LIMCH1: variants seen among roughly 807,000 people sequenced by gnomAD.
The protein encoded by LIMCH1 is LIM and calponin homology domains 1.
In LIMCH1, 113 loss-of-function variants were observed where a neutral mutation model predicts 176.5. That is an observed-to-expected ratio of 0.64 (90% confidence interval 0.55 to 0.75). The LOEUF (loss-of-function observed/expected upper bound fraction) is 0.75, where lower values mean the gene tolerates loss of function less well. Among genes scored for constraint, LIMCH1 ranks in the 30% least tolerant of loss-of-function variants. The pLI, the probability that LIMCH1 is intolerant of heterozygous loss-of-function variation, is 0.00. For missense variants in LIMCH1, 1,674 were observed against 1,814.9 expected (o/e 0.92, Z 1.41); for synonymous variants, 619 against 645.9 (o/e 0.96, Z 0.63).
chr4:41,399,792 C>G (rs1442447470), intron 1 of LIMCH1, among the ~76,000 whole-genome samples: 1 of 144,894 alleles, frequency 6.9e-6, no homozygotes, highest in Non-Finnish European at 1.5e-5. Context: ...AGTGATTCTC[C>G]TGCTTCAGCC....
Position 41,697,143 on chromosome 4 carries a change from G to A in LIMCH1, c.4379-17G>A. 2 of 1,613,172 alleles carry A rather than the reference G, an allele frequency of 1.2e-6. No individual in the cohort carries two copies. Among genetic ancestry groups the A allele is most frequent in the Non-Finnish European group, 1.7e-6 (2 of 1,179,340 alleles). On this transcript the variant is annotated splice_polypyrimidine_tract_variant and intron_variant, in intron 31 of 31. Coordinates refer to ENST00000503057, the MANE Select transcript of LIMCH1 (RefSeq NM_001330672.2). ...TTGCCTACCACTCTTGTTTGTTGTTGTTTGTTTTAATCACAGGTGCCGGGC... is the reference window on the plus strand; with the variant it reads ...TTGCCTACCACTCTTGTTTGTTGTTATTTGTTTTAATCACAGGTGCCGGGC...
At chr4:41,442,760 T>C (rs1415488790) in intron 1 of LIMCH1, among the ~76,000 whole-genome samples, 1 of 152,256 alleles carries the variant, frequency 6.6e-6, no homozygotes, top group Non-Finnish European at 1.5e-5. Flanking sequence ...TGAATTTTAA[T>C]TATTTAAACT....
At chr4:41,364,169 A>G (rs1165355235) in intron 1 of LIMCH1, among the ~76,000 whole-genome samples, 1 of 152,212 alleles carries the variant, frequency 6.6e-6, no homozygotes, top group Non-Finnish European at 1.5e-5. Context: ...GTAAAACAGG[A>G]TACTAATAAC....
chr4:41,650,415 A>G lies in LIMCH1; in HGVS notation c.2843A>G (p.Asn948Ser). The G allele has an allele frequency of 1.9e-6, 3 of 1,614,168 alleles. No individual in the cohort carries two copies. The highest frequency in any genetic ancestry group is 1.6e-4 in the Middle Eastern group (1 of 6,062). The change falls in exon 18 of 32, where the codon AAT becomes AGT. Residue 948 changes from asparagine to serine, a missense_variant. Around this residue, in one of 3 missense-constraint regions of LIMCH1, gnomAD observed 1,015 missense variants for 1,102.5 expected, o/e 0.92. Coordinates refer to ENST00000503057, the MANE Select transcript of LIMCH1 (RefSeq NM_001330672.2). Reference sequence around the variant, plus strand: ...TAGGTAGACGGGAAAGTCAGTGTGAATGGAGAGACGGTTCATAGAGAGGAG... The same window carrying G: ...TAGGTAGACGGGAAAGTCAGTGTGAGTGGAGAGACGGTTCATAGAGAGGAG... Reference protein sequence around the residue: ...TFKVDGKVSVNGETVHREEEK... With the variant: ...TFKVDGKVSVSGETVHREEEK...
At chr4:41,632,651 C>T (rs894551585) in intron 10 of LIMCH1, 98 bp from the exon 11 acceptor site, 9 of 932,266 alleles carry the variant, frequency 9.7e-6, no homozygotes, top group African/African-American at 1.7e-5. Context: ...CAGCCACATT[C>T]TTCTCTTAAT....
chr4:41,411,205 C>T (rs188267040), intron 1 of LIMCH1, among the ~76,000 whole-genome samples: 18 of 152,282 alleles, frequency 1.2e-4, no homozygotes, highest in Admixed American at 4.6e-4. Flanking sequence ...AGCCTGTGTT[C>T]TTAAGTTACT....
chr4:41,554,066 T>G (rs954216697), intron 1 of LIMCH1, among the ~76,000 whole-genome samples: 1 of 152,166 alleles, frequency 6.6e-6, no homozygotes. Flanking sequence ...CTTCAATCCT[T>G]ATAAAACTAC....
intron 2 of LIMCH1, among the ~76,000 whole-genome samples, chr4:41,499,679 G>T (rs1265085158): frequency 6.6e-6 from 1 of 152,150 alleles, no homozygotes; most frequent in Non-Finnish European, 1.5e-5. Flanking sequence ...TTAGCTGGGC[G>T]TGGTGGCGCA....
At position 41,685,739 on chromosome 4, in the gene LIMCH1, C is replaced by G; in HGVS notation, c.3997C>G (p.Pro1333Ala). ...DPSQNQQTSN[P>A]THSSEDVKPK... ...ATCCCAGAATCAGCAGACATCAAAT[C>G]CAACGCACAGTTCAGAAGATGTGAA... The change falls in exon 28 of 32, where the codon CCA (proline) becomes GCA (alanine). Residue 1333 changes from proline to alanine, a missense_variant. This residue lies in a region of LIMCH1 where 1,015 missense variants were observed against 1,102.5 expected (regional missense o/e 0.92). Coordinates refer to ENST00000503057, the MANE Select transcript of LIMCH1 (RefSeq NM_001330672.2). 1 of 1,613,624 alleles carries G rather than the reference C, an allele frequency of 6.2e-7. No individual in the cohort carries two copies. Among genetic ancestry groups the G allele is most frequent in the Non-Finnish European group, 8.5e-7 (1 of 1,179,686 alleles).
At chr4:41,458,770 C>T (rs1169866913) in intron 1 of LIMCH1, among the ~76,000 whole-genome samples, 1 of 103,460 alleles carries the variant, frequency 9.7e-6, no homozygotes, top group Non-Finnish European at 1.8e-5. Flanking sequence ...GAGACTCTGT[C>T]ACCAAAAAAA....
intron 1 of LIMCH1, among the ~76,000 whole-genome samples, chr4:41,455,060 A>G (rs1319533645): frequency 1.3e-5 from 2 of 152,098 alleles, no homozygotes; most frequent in East Asian, 3.9e-4. Flanking sequence ...AGATACAGTC[A>G]TAAAATGTAC....
chr4:41,560,884 G>A (rs1053029984), intron 1 of LIMCH1, among the ~76,000 whole-genome samples: 3 of 152,034 alleles, frequency 2.0e-5, no homozygotes, highest in African/African-American at 7.2e-5. Context: ...CAGGTGTGGT[G>A]CGCTTCCCCA....
chr4:41,668,156 C>T (rs1456293322), intron 21 of LIMCH1, among the ~76,000 whole-genome samples: 1 of 152,098 alleles, frequency 6.6e-6, no homozygotes, highest in East Asian at 1.9e-4. Context: ...CTGGCAGAAT[C>T]TGAGTTGGCT....
intron 1 of LIMCH1, among the ~76,000 whole-genome samples, chr4:41,411,663 GA>G (rs992345978): frequency 4.5e-4 from 60 of 132,980 alleles, no homozygotes; most frequent in South Asian, 7.5e-4. Flanking sequence ...AGCTTTTAGG[GA>G]AAAAAAAAAG....
intron 1 of LIMCH1, among the ~76,000 whole-genome samples, chr4:41,469,872 G>A (rs2066699507): frequency 6.6e-6 from 1 of 151,974 alleles, no homozygotes; most frequent in African/African-American, 2.4e-5. Flanking sequence ...AGTAGAGACA[G>A]AGTTTCACCA....
intron 1 of LIMCH1, among the ~76,000 whole-genome samples, chr4:41,423,338 G>T (rs972659756): frequency 1.3e-5 from 2 of 152,154 alleles, no homozygotes; most frequent in Admixed American, 1.3e-4. Flanking sequence ...TGAAGTCTGG[G>T]AAAGAGTTTT....
chr4:41,563,275 G>T (rs367738259), intron 1 of LIMCH1, among the ~76,000 whole-genome samples: 33 of 152,180 alleles, frequency 2.2e-4, no homozygotes, highest in African/African-American at 7.5e-4. Flanking sequence ...GATAAAAGGG[G>T]ATATATATGG....
intron 1 of LIMCH1, among the ~76,000 whole-genome samples, chr4:41,450,599 C>T (rs576353563): frequency 1.9e-4 from 29 of 151,596 alleles, no homozygotes; most frequent in African/African-American, 6.0e-4. Flanking sequence ...GTCAGGAGTT[C>T]GCCTGGTCAA....
intron 1 of LIMCH1, among the ~76,000 whole-genome samples, chr4:41,578,550 G>A (rs2084876287): frequency 6.6e-6 from 1 of 151,968 alleles, no homozygotes; most frequent in South Asian, 2.1e-4. Flanking sequence ...CCCAACACTG[G>A]ATCTTATAAT....
Sources: gnomAD v4.1 joint callset for allele counts (sites outside exome capture counted in the v4.1 genomes callset) on GRCh38, gnomAD v4.1.1 for gene constraint, gnomAD v4.1.1 regional missense constraint, MANE v1.5 for transcripts, NCBI Gene and HGNC (gene_info 2026-07-23, HGNC 2026-07-21) for gene names.